The following RAB3B variants were observed in gnomAD, a reference collection of about 807,000 sequenced individuals.
RAB3B encodes RAB3B, member RAS oncogene family, also known as ras-related protein Rab-3B.
RAB3B carries 11 observed loss-of-function variants against 20.5 expected under a neutral mutation model. That is an observed-to-expected ratio of 0.54 (90% confidence interval 0.34 to 0.89). RAB3B has a LOEUF of 0.89. Ranked by LOEUF, RAB3B falls within the 40% of genes least tolerant of loss-of-function variation. RAB3B has a pLI of 0.02. For missense variants in RAB3B, 225 were observed against 280.9 expected (o/e 0.80, Z 1.42); for synonymous variants, 99 against 106.3 (o/e 0.93, Z 0.42).
intron 2 of RAB3B, among the ~76,000 whole-genome samples, chr1:51,971,010 CAAAAAAAAAAAAAAAAA>C (rs3074914): frequency 1.8e-5 from 1 of 55,714 alleles, no homozygotes; most frequent in African/African-American, 6.0e-5. Context: ...GACTCCGTCT[CAAAAAAAAAAAAAAAAA>C]AAAAAAGAAA....
At chr1:51,984,652 T>C (rs1019983345) in intron 1 of RAB3B, among the ~76,000 whole-genome samples, 1 of 152,168 alleles carries the variant, frequency 6.6e-6, no homozygotes, top group African/African-American at 2.4e-5. Flanking sequence ...TGTTTTTAAG[T>C]TGTTTTTCTA....
At chr1:51,980,833 T>C in intron 1 of RAB3B, 1 of 727,264 alleles carries the variant, frequency 1.4e-6, no homozygotes, top group Non-Finnish European at 2.5e-6. Flanking sequence ...AGCTGAGTCC[T>C]TAAAGACTGA....
intron 2 of RAB3B, among the ~76,000 whole-genome samples, chr1:51,954,260 T>C (rs895181718): frequency 9.3e-4 from 142 of 152,216 alleles, no homozygotes; most frequent in African/African-American, 3.1e-3. Context: ...ATCAAAAACA[T>C]ATAAAGATTT....
At chr1:51,946,158 G>A (rs1303536105) in intron 2 of RAB3B, among the ~76,000 whole-genome samples, 1 of 152,108 alleles carries the variant, frequency 6.6e-6, no homozygotes, top group Admixed American at 6.5e-5. Context: ...ATAATGTAGG[G>A]GTAGAGCCTA....
At chr1:51,927,291 A>G (rs1187162810) in intron 4 of RAB3B, among the ~76,000 whole-genome samples, 1 of 152,212 alleles carries the variant, frequency 6.6e-6, no homozygotes, top group Non-Finnish European at 1.5e-5. Flanking sequence ...GGCCAAACAG[A>G]TCTTCCTACT....
At chr1:51,986,316 A>C (rs1685151118) in intron 1 of RAB3B, among the ~76,000 whole-genome samples, 1 of 151,876 alleles carries the variant, frequency 6.6e-6, no homozygotes, top group South Asian at 2.1e-4. Context: ...ATACCCGGCT[A>C]ATTTTTTGTA....
intron 2 of RAB3B, among the ~76,000 whole-genome samples, chr1:51,958,069 T>G (rs1365332755): frequency 1.3e-5 from 2 of 152,210 alleles, no homozygotes; most frequent in African/African-American, 4.8e-5. Context: ...CTCCCCATGT[T>G]CTAGCTGAAG....
chr1:51,944,305 T>C (rs1237568476), intron 2 of RAB3B, among the ~76,000 whole-genome samples: 1 of 152,216 alleles, frequency 6.6e-6, no homozygotes, highest in Non-Finnish European at 1.5e-5. Context: ...AATATTCCTT[T>C]CATAATATTC....
chr1:51,966,415 G>A (rs559201365), intron 2 of RAB3B, among the ~76,000 whole-genome samples: 45 of 152,234 alleles, frequency 3.0e-4, no homozygotes, highest in African/African-American at 8.9e-4. Flanking sequence ...CATGTTTATT[G>A]AATGGATTAA....
chr1:51,936,693 T>C (rs912027863), intron 3 of RAB3B, among the ~76,000 whole-genome samples: 1 of 152,196 alleles, frequency 6.6e-6, no homozygotes. Flanking sequence ...AGCATATGTG[T>C]CAGCAACTCC....
rs969669395 is a variant in RAB3B at position 51,975,837 on chromosome 1, CA to C, written c.228+1052del. The stretch of plus-strand genomic sequence containing the variant: ...TGAAACACCATCTCTACTAAAAATA[CA>C]AAAATTAACTGGGCATGGTGGCGGG... On this transcript the variant is annotated intron_variant, in intron 2 of 4. Transcript: ENST00000371655. Among the ~76,000 whole-genome samples the C allele has an allele frequency of 1.1e-3, 166 of 152,146 alleles. 1 individual carries two copies. The highest frequency in any genetic ancestry group is 3.8e-3 in the African/African-American group (158 of 41,524).
chr1:51,911,898 G>C lies in RAB3B; in HGVS notation c.*8029C>G, dbSNP rs1170882175. 1 of 152,100 alleles carries C rather than the reference G, an allele frequency of 6.6e-6. No individual in the cohort carries two copies. Among genetic ancestry groups the C allele is most frequent in the African/African-American group, 2.4e-5 (1 of 41,424 alleles). 9.4% of individuals were successfully genotyped at this position (152,100 alleles called of 1,614,324 possible). ...ACTAGAATCACCTGGTTTGGGTTAG[G>C]GAGTAGTAGTACTACTAAAGAAGAG... On this transcript the variant is annotated 3_prime_UTR_variant, in exon 5 of 5. Transcript: ENST00000371655.
intron 4 of RAB3B, among the ~76,000 whole-genome samples, chr1:51,924,540 A>AAAGGG (rs1684217725): frequency 1.3e-5 from 2 of 152,204 alleles, no homozygotes; most frequent in Non-Finnish European, 2.9e-5. Flanking sequence ...GTCTATGCCA[A>AAAGGG]AAGGGCCATA....
Position 51,917,580 on chromosome 1 carries a change from T to C in RAB3B, c.*2347A>G, listed in dbSNP as rs1684105649. The C allele has an allele frequency of 6.6e-6, 1 of 151,918 alleles. No individual in the cohort carries two copies. Among genetic ancestry groups the C allele is most frequent in the Non-Finnish European group, 1.5e-5 (1 of 68,004 alleles). 9.4% of individuals were successfully genotyped at this position (151,918 alleles called of 1,614,324 possible). A position where few individuals can be genotyped will look rare whatever the true frequency, so the allele number is the denominator to read the frequency against. On this transcript the variant is annotated 3_prime_UTR_variant, in exon 5 of 5. Coordinates refer to ENST00000371655, the MANE Select transcript of RAB3B (RefSeq NM_002867.4). Reference sequence around the variant, plus strand: ...GAAAGAGAGACAGAGAGACAGGGTCTTATTCTTACTCTGTCACCCAGACTG... The same window carrying C: ...GAAAGAGAGACAGAGAGACAGGGTCCTATTCTTACTCTGTCACCCAGACTG...
chr1:51,968,911 A>G (rs1304119691), intron 2 of RAB3B, among the ~76,000 whole-genome samples: 1 of 152,140 alleles, frequency 6.6e-6, no homozygotes, highest in East Asian at 1.9e-4. Flanking sequence ...GAAATCTCTT[A>G]AGACTCCTCT....
chr1:51,952,586 G>A (rs1213580056), intron 2 of RAB3B, among the ~76,000 whole-genome samples: 1 of 152,012 alleles, frequency 6.6e-6, no homozygotes, highest in Admixed American at 6.6e-5. Context: ...GTGCCTTATT[G>A]TTTCTGTACC....
rs1191996565 is a variant in RAB3B at position 51,916,347 on chromosome 1, G to A, written c.*3580C>T. 6 of 152,156 alleles carry A rather than the reference G, an allele frequency of 3.9e-5. No individual in the cohort carries two copies. The South Asian group carries it at 8.3e-4, about 21-fold the overall frequency. The allele number at this position is 152,156 out of a possible 1,614,324, so 9.4% of individuals were successfully genotyped here. A position where few individuals can be genotyped will look rare whatever the true frequency, so the allele number is the denominator to read the frequency against. On this transcript the variant is annotated 3_prime_UTR_variant, in exon 5 of 5. Transcript: ENST00000371655. ...AGAATTTGACAGTTTTAAAGAAAAC[G>A]ATTTCATCTTTGCCTGGATATTCAG... is the stretch of plus-strand genomic sequence containing the variant.
At chr1:51,980,049 A>G (rs1685066969) in intron 1 of RAB3B, among the ~76,000 whole-genome samples, 1 of 152,130 alleles carries the variant, frequency 6.6e-6, no homozygotes, top group African/African-American at 2.4e-5. Context: ...CCCCCCAAAA[A>G]AAAAATTAAC....
rs188038236 is a variant in RAB3B, at chr1:51,943,194, G to A, written c.229-5782C>T. 1.8e-4 allele frequency among the ~76,000 whole-genome samples: 27 copies of A among 152,256 alleles called. 3 individuals carry two copies. In the East Asian group the frequency reaches 2.5e-3, roughly 14 times the overall value. On this transcript the variant is annotated intron_variant, in intron 2 of 4. Coordinates refer to ENST00000371655, the MANE Select transcript of RAB3B (RefSeq NM_002867.4). ...AGGTCAGGAGGTTGAGACCAGCCTG[G>A]TCAACATGGCGAAATCCTGTCTCTA...
Sources: allele counts gnomAD v4.1 joint callset (sites outside exome capture counted in the v4.1 genomes callset), GRCh38; gene constraint gnomAD v4.1.1; transcripts MANE v1.5; gene names NCBI Gene and HGNC (gene_info 2026-07-23, HGNC 2026-07-21).